Variants in CNTNAP2 observed in about 807,000 individuals in gnomAD.
CNTNAP2 encodes contactin associated protein 2.
A neutral mutation model predicts 155.2 loss-of-function variants in CNTNAP2; 98 were observed. The ratio of observed to expected loss-of-function variants is 0.63; its 90% confidence interval spans 0.54 to 0.75. The LOEUF is 0.75. Ranked by LOEUF, CNTNAP2 falls within the 30% of genes least tolerant of loss-of-function variation. The pLI is 0.00. For synonymous variants in CNTNAP2, 651 were observed against 631.2 expected, an observed-to-expected ratio of 1.03 and a Z score of -0.47; for missense variants, 1,727 against 1,688.1, an observed-to-expected ratio of 1.02 and a Z score of -0.40.
intron 16 of CNTNAP2, among the ~76,000 whole-genome samples, chr7:148,123,490 C>G (rs1159691452): frequency 6.6e-6 from 1 of 151,984 alleles, no homozygotes; most frequent in Non-Finnish European, 1.5e-5. Context: ...GCCTCCTGCC[C>G]AGAGGCTGAG....
intron 8 of CNTNAP2, among the ~76,000 whole-genome samples, chr7:147,206,360 T>C (rs1803023725): frequency 1.3e-5 from 2 of 150,220 alleles, no homozygotes; most frequent in African/African-American, 2.4e-5. Context: ...AGGTCAGGAG[T>C]TCAAGACCAG....
intron 9 of CNTNAP2, among the ~76,000 whole-genome samples, chr7:147,364,176 A>G (rs1336406807): frequency 6.6e-6 from 1 of 152,228 alleles, no homozygotes; most frequent in Admixed American, 6.5e-5. Context: ...ATTTGCTTAC[A>G]TAAGCTAGTC....
rs150925970 is a variant in CNTNAP2 at position 147,052,402 on chromosome 7, G to A, written c.550+8348G>A. ...GACATCAAATGTAAATGATACAGGC[G>A]TAATTTATTCCCTCAGTGAAAACTG... On this transcript the variant is annotated intron_variant, in intron 4 of 23. Coordinates refer to ENST00000361727, the MANE Select transcript of CNTNAP2 (RefSeq NM_014141.6). Among the ~76,000 whole-genome samples the A allele has an allele frequency of 1.2e-3, 182 of 152,138 alleles. 1 individual carries two copies. The highest frequency in any genetic ancestry group is 8.1e-3 in the East Asian group (42 of 5,162).
At chr7:147,286,043 A>G (rs549030317) in intron 8 of CNTNAP2, among the ~76,000 whole-genome samples, 2 of 152,186 alleles carry the variant, frequency 1.3e-5, no homozygotes, top group East Asian at 3.9e-4. Context: ...TAGACCATAC[A>G]GTTGGGCAAA....
intron 15 of CNTNAP2, among the ~76,000 whole-genome samples, chr7:147,984,050 C>A (rs1316826237): frequency 1.3e-5 from 2 of 152,228 alleles, no homozygotes; most frequent in Admixed American, 6.5e-5. Context: ...GGTGTGAAAT[C>A]TTTTTATTTC....
At chr7:147,860,395 A>G (rs1413923183) in intron 13 of CNTNAP2, among the ~76,000 whole-genome samples, 2 of 151,774 alleles carry the variant, frequency 1.3e-5, no homozygotes, top group African/African-American at 4.8e-5. Context: ...CTGCACTCCA[A>G]CCTGGGCAAC....
chr7:148,359,518 TG>T (rs1232421778), intron 21 of CNTNAP2, among the ~76,000 whole-genome samples: 1 of 152,224 alleles, frequency 6.6e-6, no homozygotes, highest in African/African-American at 2.4e-5. Flanking sequence ...CTTTAGCCTA[TG>T]GGTCATTGTC....
At chr7:146,165,449 T>C (rs1243233744) in intron 1 of CNTNAP2, among the ~76,000 whole-genome samples, 2 of 152,204 alleles carry the variant, frequency 1.3e-5, no homozygotes, top group African/African-American at 4.8e-5. Context: ...ATGACAATTG[T>C]CTTTTTTGAA....
intron 1 of CNTNAP2, among the ~76,000 whole-genome samples, chr7:146,514,643 G>A (rs1366764396): frequency 1.3e-5 from 2 of 151,352 alleles, no homozygotes; most frequent in Non-Finnish European, 2.9e-5. Flanking sequence ...TGTTTTCTGG[G>A]AGCTCATCAA....
intron 15 of CNTNAP2, among the ~76,000 whole-genome samples, chr7:148,024,632 C>A (rs1300566026): frequency 6.6e-6 from 1 of 152,174 alleles, no homozygotes; most frequent in Non-Finnish European, 1.5e-5. Context: ...TAATGTTTAG[C>A]TTTCTTCTAC....
At position 148,007,951 on chromosome 7, in the gene CNTNAP2, A is replaced by G. The variant is rs139602237; in HGVS notation, c.2383+29962A>G. Among the ~76,000 whole-genome samples the G allele has an allele frequency of 2.0e-5, 3 of 152,304 alleles. No homozygotes were observed. The East Asian group carries it at 5.8e-4, about 29-fold the overall frequency. On this transcript the variant is annotated intron_variant, in intron 15 of 23. Coordinates refer to ENST00000361727, the MANE Select transcript of CNTNAP2 (RefSeq NM_014141.6). ...ATCCTAATCTTCAGAACCTGTGAATATGCGACCTTACATGGCAAAGGGGAT... is the reference window on the plus strand; with the variant it reads ...ATCCTAATCTTCAGAACCTGTGAATGTGCGACCTTACATGGCAAAGGGGAT...
intron 11 of CNTNAP2, among the ~76,000 whole-genome samples, chr7:147,556,300 ATAT>A (rs1331923444): frequency 6.6e-6 from 1 of 152,218 alleles, no homozygotes; most frequent in East Asian, 1.9e-4. Flanking sequence ...TATAGTTGTG[ATAT>A]TATTTCCATA....
intron 13 of CNTNAP2, among the ~76,000 whole-genome samples, chr7:147,842,587 CTTTTTT>C (rs3055146): frequency 1.2e-5 from 1 of 84,392 alleles, no homozygotes. Context: ...TTTTACTTTT[CTTTTTT>C]TTTTTTTTTT....
chr7:146,468,327 A>G (rs1796744993), intron 1 of CNTNAP2, among the ~76,000 whole-genome samples: 1 of 152,108 alleles, frequency 6.6e-6, no homozygotes, highest in Non-Finnish European at 1.5e-5. Flanking sequence ...CCTGTTAAGT[A>G]CTATGCTTAG....
chr7:147,953,508 C>T lies in CNTNAP2; in HGVS notation c.2256-24354C>T, dbSNP rs796269274. 3.3e-5 allele frequency among the ~76,000 whole-genome samples: 5 copies of T among 152,268 alleles called. 1 individual carries two copies. The highest frequency in any genetic ancestry group is 1.2e-4 in the African/African-American group (5 of 41,550). On this transcript the variant is annotated intron_variant, in intron 14 of 23. Coordinates refer to ENST00000361727, the MANE Select transcript of CNTNAP2 (RefSeq NM_014141.6). ...ATGTCACAAACCTGCATGTCCTGCACATGTATCCTGAAACTTTAAATTTTA... is the reference window on the plus strand; with the variant it reads ...ATGTCACAAACCTGCATGTCCTGCATATGTATCCTGAAACTTTAAATTTTA...
chr7:147,981,254 C>A, intron 15 of CNTNAP2, among the ~76,000 whole-genome samples: 1 of 152,170 alleles, frequency 6.6e-6, no homozygotes, highest in Non-Finnish European at 1.5e-5. Context: ...TACTCTCATC[C>A]CTGAGCCAAT....
At chr7:147,151,558 C>T (rs1203470155) in intron 8 of CNTNAP2, among the ~76,000 whole-genome samples, 1 of 151,936 alleles carries the variant, frequency 6.6e-6, no homozygotes, top group African/African-American at 2.4e-5. Flanking sequence ...GCAATTCAGG[C>T]AAAAGTCTAA....
rs77441200 is a variant in CNTNAP2 at position 148,143,768 on chromosome 7, G to A, written c.2555-3723G>A. On this transcript the variant is annotated intron_variant, in intron 16 of 23. Coordinates refer to ENST00000361727, the MANE Select transcript of CNTNAP2 (RefSeq NM_014141.6). Reference sequence around the variant, plus strand: ...TGTCCTCTCTGTCCTCTGTATCTCTGACATTTGTGAGGCAGCTCCAGCAAC... The same window carrying A: ...TGTCCTCTCTGTCCTCTGTATCTCTAACATTTGTGAGGCAGCTCCAGCAAC... Among the ~76,000 whole-genome samples the A allele has an allele frequency of 7.3e-3, 1,111 of 152,284 alleles. 10 individuals are homozygous for A. The highest frequency in any genetic ancestry group is 0.022 in the South Asian group (108 of 4,828).
intron 12 of CNTNAP2, among the ~76,000 whole-genome samples, chr7:147,569,900 A>G (rs1800251391): frequency 6.6e-6 from 1 of 152,178 alleles, no homozygotes; most frequent in South Asian, 2.1e-4. Flanking sequence ...GAGACTTGGG[A>G]TCTTCTTGGA....
Sources: allele counts gnomAD v4.1 joint callset (sites outside exome capture counted in the v4.1 genomes callset), GRCh38; gene constraint gnomAD v4.1.1; transcripts MANE v1.5; gene names NCBI Gene and HGNC (gene_info 2026-07-23, HGNC 2026-07-21).